Variants in CCDC6 observed in about 807,000 individuals in gnomAD.
The protein encoded by CCDC6 is coiled-coil domain-containing protein 6.
A neutral mutation model predicts 56.6 loss-of-function variants in CCDC6; 20 were observed. The ratio of observed to expected loss-of-function variants is 0.35; its 90% CI spans 0.25 to 0.51. The LOEUF is 0.51. CCDC6 is among the 20% of genes least tolerant of loss of function. CCDC6 has a pLI of 0.95. For synonymous variants in CCDC6, 241 were observed against 234.4 expected (o/e 1.03, Z -0.26); for missense variants, 367 against 601.1 (o/e 0.61, Z 4.07).
intron 5 of CCDC6, among the ~76,000 whole-genome samples, chr10:59,810,553 T>G (rs1424277727): frequency 6.6e-6 from 1 of 152,210 alleles, no homozygotes; most frequent in Non-Finnish European, 1.5e-5. Flanking sequence ...AAGATGTTTG[T>G]GTACTCACAT....
In CCDC6 at chr10:59,806,927, G is replaced by A. The variant is rs377305320; in HGVS notation, c.999C>T (p.Asp333=). 6.8e-5 allele frequency: 110 copies of A among 1,613,382 alleles called. No individual in the cohort carries two copies. The highest frequency in any genetic ancestry group is 1.6e-4 in the Middle Eastern group (1 of 6,078). Residue 333 remains aspartate (D), a synonymous_variant, in exon 6 of 9, where the codon GAC becomes GAT. Coordinates refer to ENST00000263102, the MANE Select transcript of CCDC6 (RefSeq NM_005436.5). ...CTCATAAGACATGCACACACCTTTCGTCGTCCATTTCTAAGCTGGACTCAC... is the reference window on the plus strand; with the variant it reads ...CTCATAAGACATGCACACACCTTTCATCGTCCATTTCTAAGCTGGACTCAC... ...SESESSLEMD[D]ERYFNEMSAQ...
rs199594834 is a variant in CCDC6, at chr10:59,882,003, T to TGG, written c.303+24117_303+24118dup. Reference sequence around the variant, plus strand: ...AAGGAGAGGGAGGGAGAAGGAAAGCTGGGGAGAAGGAAAGGAAAGCCGCGG... The same window carrying TGG: ...AAGGAGAGGGAGGGAGAAGGAAAGCTGGGGGGAGAAGGAAAGGAAAGCCGCGG... On this transcript the variant is annotated intron_variant, in intron 1 of 8. Transcript: ENST00000263102. Among the ~76,000 whole-genome samples the TGG allele has an allele frequency of 6.8e-3, 601 of 88,868 alleles. 15 individuals carry two copies. The highest frequency in any genetic ancestry group is 9.9e-3 in the Admixed American group (72 of 7,256). The allele number at this position is 88,868 out of a possible 152,430, so 58.3% of individuals were successfully genotyped here. A position where few individuals can be genotyped will look rare whatever the true frequency, so the allele number is the denominator to read the frequency against.
rs2070470725 is a variant in CCDC6 at position 59,791,863 on chromosome 10, C to A, written c.*1054G>T. On this transcript the variant is annotated 3_prime_UTR_variant, in exon 9 of 9. Coordinates refer to ENST00000263102, the MANE Select transcript of CCDC6 (RefSeq NM_005436.5). ...TGCTTATACTGGGTGAAATGAACAG[C>A]CATCAATGCTAATGTGCTACTTTCC... is the stretch of plus-strand genomic sequence containing the variant. 9.1e-6 allele frequency: 2 copies of A among 219,166 alleles called. No individual in the cohort carries two copies. Among genetic ancestry groups the A allele is most frequent in the Non-Finnish European group, 1.8e-5 (2 of 109,056 alleles). The allele number at this position is 219,166 out of a possible 1,614,324, so 13.6% of individuals were successfully genotyped here. A position where few individuals can be genotyped will look rare whatever the true frequency, so the allele number is the denominator to read the frequency against.
intron 1 of CCDC6, among the ~76,000 whole-genome samples, chr10:59,867,171 A>AT (rs2071184630): frequency 6.6e-6 from 1 of 152,158 alleles, no homozygotes; most frequent in South Asian, 2.1e-4. Flanking sequence ...GTGTTCTGAG[A>AT]TAGGGAATTT....
At chr10:59,873,226 A>C (rs2071247022) in intron 1 of CCDC6, among the ~76,000 whole-genome samples, 1 of 152,166 alleles carries the variant, frequency 6.6e-6, no homozygotes. Flanking sequence ...ATACTTGTGA[A>C]TGTGACCTTA....
At chr10:59,845,578 T>C (rs7083218) in intron 2 of CCDC6, among the ~76,000 whole-genome samples, 1 of 152,200 alleles carries the variant, frequency 6.6e-6, no homozygotes, top group African/African-American at 2.4e-5. Flanking sequence ...GGCTGTAGCA[T>C]AAAATGCATT....
At chr10:59,861,283 A>G (rs1321810304) in intron 1 of CCDC6, among the ~76,000 whole-genome samples, 1 of 152,160 alleles carries the variant, frequency 6.6e-6, no homozygotes, top group East Asian at 1.9e-4. Flanking sequence ...ACTTAAACCC[A>G]GAAAGGTTGA....
chr10:59,898,316 C>T (rs1398276341), intron 1 of CCDC6, among the ~76,000 whole-genome samples: 7 of 152,178 alleles, frequency 4.6e-5, no homozygotes, highest in African/African-American at 1.7e-4. Flanking sequence ...CAAAAGCCTC[C>T]CAGTGCCACC....
At chr10:59,894,444 T>C (rs1354280095) in intron 1 of CCDC6, among the ~76,000 whole-genome samples, 1 of 152,238 alleles carries the variant, frequency 6.6e-6, no homozygotes, top group Non-Finnish European at 1.5e-5. Context: ...TTCCAGAGCC[T>C]GCGCTCTCTA....
chr10:59,845,346 G>GTTTTTTTTTTT (rs151236986), intron 2 of CCDC6, among the ~76,000 whole-genome samples: 2 of 96,950 alleles, frequency 2.1e-5, no homozygotes, highest in African/African-American at 4.2e-5. Context: ...GCCCCTATGG[G>GTTTTTTTTTTT]TTTTTTTTTT....
At position 59,792,990 on chromosome 10, in the gene CCDC6, G is replaced by C; in HGVS notation, c.1352C>G (p.Pro451Arg). ...CGAGGTGGCTGCTGAGGGGACCGTG[G>C]GCTGCATGGGTGGCGGAGGTGGAGG... is the stretch of plus-strand genomic sequence containing the variant. ...PPPPPPPPMQ[P>R]TVPSAATSQP... is the part of the protein sequence containing the mutation. Residue 451 changes from proline to arginine, a missense_variant, in exon 9 of 9, where the codon CCC becomes CGC. By Grantham distance (103) the Pro-to-Arg change is moderately radical. Around this residue, in one of 7 missense-constraint regions of CCDC6, gnomAD observed 54 missense variants for 60.0 expected, o/e 0.90. Coordinates refer to ENST00000263102, the MANE Select transcript of CCDC6 (RefSeq NM_005436.5). The C allele has an allele frequency of 6.2e-7, 1 of 1,613,340 alleles. No homozygotes were observed. Among genetic ancestry groups the C allele is most frequent in the African/African-American group, 1.3e-5 (1 of 75,040 alleles).
At chr10:59,895,545 C>T (rs2071455873) in intron 1 of CCDC6, among the ~76,000 whole-genome samples, 1 of 152,164 alleles carries the variant, frequency 6.6e-6, no homozygotes, top group South Asian at 2.1e-4. Flanking sequence ...TATACGCAAA[C>T]CCCTTCCAAT....
chr10:59,792,687 C>T lies in CCDC6; in HGVS notation c.*230G>A. 1 of 755,284 alleles carries T rather than the reference C, an allele frequency of 1.3e-6. No homozygotes were observed. The highest frequency in any genetic ancestry group is 1.4e-5 in the South Asian group (1 of 73,730). 46.8% of individuals were successfully genotyped at this position (755,284 alleles called of 1,614,324 possible). On this transcript the variant is annotated 3_prime_UTR_variant, in exon 9 of 9. Coordinates refer to ENST00000263102, the MANE Select transcript of CCDC6 (RefSeq NM_005436.5). ...AGGTTCCAGCCAGGGAATGGACGTA[C>T]ATGAAGATTCAAGTAAAACACTGAT...
intron 1 of CCDC6, among the ~76,000 whole-genome samples, chr10:59,890,979 T>C (rs1171821): frequency 0.95 from 144,214 of 152,164 alleles, 68,775 homozygotes; most frequent in Non-Finnish European, 1. Context: ...TGAGAACATG[T>C]GGTGTTTGGT....
chr10:59,799,444 C>T (rs72817910), intron 7 of CCDC6, among the ~76,000 whole-genome samples: 30,896 of 151,916 alleles, frequency 0.2, 3,657 homozygotes, highest in Middle Eastern at 0.28. Flanking sequence ...AAATCTCCTT[C>T]TCTAGCTGTT....
intron 7 of CCDC6, among the ~76,000 whole-genome samples, chr10:59,803,770 A>G (rs1393206705): frequency 6.6e-6 from 1 of 152,188 alleles, no homozygotes; most frequent in Admixed American, 6.5e-5. Flanking sequence ...GTGAGGGCAA[A>G]GCCAGAAGCA....
At chr10:59,833,954 C>G (rs1217663811) in intron 2 of CCDC6, among the ~76,000 whole-genome samples, 1 of 152,150 alleles carries the variant, frequency 6.6e-6, no homozygotes, top group African/African-American at 2.4e-5. Flanking sequence ...GTGCTCTCTC[C>G]CGCTGTATCA....
At chr10:59,888,737 C>G (rs969467725) in intron 1 of CCDC6, among the ~76,000 whole-genome samples, 1 of 152,176 alleles carries the variant, frequency 6.6e-6, no homozygotes, top group African/African-American at 2.4e-5. Context: ...GAGAGGCAAA[C>G]TGAACCATTT....
chr10:59,844,337 G>A (rs2070969568), intron 2 of CCDC6, among the ~76,000 whole-genome samples: 1 of 151,504 alleles, frequency 6.6e-6, no homozygotes, highest in African/African-American at 2.4e-5. Flanking sequence ...TATATCTAAA[G>A]GGTTAAGTTT....
Sources: gnomAD v4.1 joint callset for allele counts (sites outside exome capture counted in the v4.1 genomes callset) on GRCh38, gnomAD v4.1.1 for gene constraint, gnomAD v4.1.1 regional missense constraint, MANE v1.5 for transcripts, NCBI Gene and HGNC (gene_info 2026-07-23, HGNC 2026-07-21) for gene names.